The following AP1S1 variants were observed in gnomAD, a reference collection of about 807,000 sequenced individuals.
The protein encoded by AP1S1 is adaptor related protein complex 1 subunit sigma 1, also known as AP-1 complex subunit sigma-1A.
Under a neutral mutation model 23.9 loss-of-function variants are expected in AP1S1, and 13 were observed. The observed-to-expected ratio is 0.54, with a 90% confidence interval of 0.35 to 0.86. AP1S1 has a LOEUF of 0.86. Among genes scored for constraint, AP1S1 ranks in the 40% least tolerant of loss-of-function variants. AP1S1 has a pLI of 0.01. For missense variants in AP1S1, 119 were observed against 197.6 expected (o/e 0.60, Z 2.38); for synonymous variants, 84 against 77.7 (o/e 1.08, Z -0.43).
chr7:101,154,507 G>A lies in AP1S1; in HGVS notation c.-8G>A. The A allele has an allele frequency of 6.4e-7, 1 of 1,573,672 alleles. No individual in the cohort carries two copies. Among genetic ancestry groups the A allele is most frequent in the African/African-American group, 1.3e-5 (1 of 74,286 alleles). On this transcript the variant is annotated 5_prime_UTR_variant, in exon 1 of 5. Transcript: ENST00000337619. ...CGAAGTGGGACGCGCCGAGCCGGAG[G>A]CTGCAGGATGGTAGGCTGTGCGAAG...
rs895958581 is a variant in AP1S1 at position 101,161,136 on chromosome 7, GCTTTATGGGACC to G, written c.*573_*584del. 4.7e-5 allele frequency: 13 copies of G among 278,684 alleles called. No individual in the cohort carries two copies. Among genetic ancestry groups the G allele is most frequent in the African/African-American group, 2.7e-4 (12 of 43,918 alleles). The allele number at this position is 278,684 out of a possible 1,614,324, so 17.3% of individuals were successfully genotyped here. On this transcript the variant is annotated 3_prime_UTR_variant, in exon 5 of 5. Transcript: ENST00000337619. ...GAAGGAAGGGTTGGGGGAAGGGCAA[GCTTTATGGGACC>G]CTGGTCCTGGCCCTGGCCTTTCACT...
At chr7:101,156,082 A>G (rs1796986616) in intron 1 of AP1S1, among the ~76,000 whole-genome samples, 1 of 152,086 alleles carries the variant, frequency 6.6e-6, no homozygotes, top group Non-Finnish European at 1.5e-5. Context: ...AAATACAAAT[A>G]TTAGCCGGGC....
chr7:101,158,994 T>C, intron 3 of AP1S1, 65 bp from the exon 4 acceptor site: 1 of 1,591,932 alleles, frequency 6.3e-7, no homozygotes, highest in South Asian at 1.1e-5. Context: ...GGAGGCACGG[T>C]CTTGAAAAGG....
rs768394145 is a variant in AP1S1, at chr7:101,159,618, C to CT, written c.429+436dup. 8.5e-3 allele frequency: 1,241 copies of CT among 145,946 alleles called. 8 individuals are homozygous for CT. The highest frequency in any genetic ancestry group is 0.021 in the South Asian group (109 of 5,218). 9.0% of individuals were successfully genotyped at this position (145,946 alleles called of 1,614,324 possible). A position where few individuals can be genotyped will look rare whatever the true frequency, so the allele number is the denominator to read the frequency against. ...CTTCCCCCACCTCTCTTTTTTTTTT[C>CT]TTTTTTTTTTTTTTAACACACACAT... On this transcript the variant is annotated intron_variant, in intron 4 of 4. Coordinates refer to ENST00000337619, the MANE Select transcript of AP1S1 (RefSeq NM_001283.5).
At chr7:101,155,527 G>A (rs186310014) in intron 1 of AP1S1, among the ~76,000 whole-genome samples, 1 of 152,316 alleles carries the variant, frequency 6.6e-6, no homozygotes, top group African/African-American at 2.4e-5. Flanking sequence ...GGAGGAGTGG[G>A]CGCTTAGCAG....
At chr7:101,157,342 G>A (rs1334961307) in intron 2 of AP1S1, 35 bp from the exon 3 acceptor site, 2 of 1,511,728 alleles carry the variant, frequency 1.3e-6, no homozygotes, top group Admixed American at 3.9e-5. Flanking sequence ...CCTGAAGCAA[G>A]CTTGTAGCGA....
chr7:101,159,046 C>G lies in AP1S1; in HGVS notation c.292-13C>G, dbSNP rs763814212. The G allele has an allele frequency of 1.9e-6, 3 of 1,612,048 alleles. No individual in the cohort carries two copies. Among genetic ancestry groups the G allele is most frequent in the Non-Finnish European group, 2.5e-6 (3 of 1,179,094 alleles). ...CCCTCCATGCTCAACTTAGCCTCTC[C>G]CCGCCCTCCCAGGTGTGCGAGCTGG... is the stretch of plus-strand genomic sequence containing the variant. On this transcript the variant is annotated splice_polypyrimidine_tract_variant and intron_variant, in intron 3 of 4. Coordinates refer to ENST00000337619, the MANE Select transcript of AP1S1 (RefSeq NM_001283.5).
chr7:101,158,010 C>CT lies in AP1S1; in HGVS notation c.291+526dup, dbSNP rs555225499. 3.3e-4 allele frequency among the ~76,000 whole-genome samples: 50 copies of CT among 152,206 alleles called. 1 individual carries two copies. The South Asian group carries it at 0.01, about 32-fold the overall frequency. On this transcript the variant is annotated intron_variant, in intron 3 of 4. Coordinates refer to ENST00000337619, the MANE Select transcript of AP1S1 (RefSeq NM_001283.5). Reference sequence around the variant, plus strand: ...TTGCTATGTTGCCCAGGCTGGGTCTCTAACTCTGGGGCTCAAGTGATCCTC... The same window carrying CT: ...TTGCTATGTTGCCCAGGCTGGGTCTCTTAACTCTGGGGCTCAAGTGATCCTC...
Position 101,154,878 on chromosome 7 carries a change from G to A in AP1S1, c.3+361G>A, listed in dbSNP as rs369694484. 290 of 958,952 alleles carry A rather than the reference G, an allele frequency of 3.0e-4. 9 individuals carry two copies. In the East Asian group the frequency reaches 4.4e-3, roughly 14 times the overall value. The allele number at this position is 958,952 out of a possible 1,614,324, so 59.4% of individuals were successfully genotyped here. On this transcript the variant is annotated intron_variant, in intron 1 of 4. Transcript: ENST00000337619. Reference sequence around the variant, plus strand: ...GTCTCTTTGCTGAGGGAGGGAGCGGGGGTCACCAGTCACCGAGACCCCCTT... The same window carrying A: ...GTCTCTTTGCTGAGGGAGGGAGCGGAGGTCACCAGTCACCGAGACCCCCTT...
intron 1 of AP1S1, among the ~76,000 whole-genome samples, chr7:101,155,351 T>A (rs1478165295): frequency 6.6e-6 from 1 of 152,176 alleles, no homozygotes. Flanking sequence ...CTCCAGGATG[T>A]GGCCCAGACC....
chr7:101,157,632 T>A, intron 3 of AP1S1, 147 bp downstream of exon 3: 1 of 669,652 alleles, frequency 1.5e-6, no homozygotes, highest in Non-Finnish European at 2.6e-6. Flanking sequence ...TTTCCCTTTT[T>A]AAGCTTTAAG....
intron 3 of AP1S1, among the ~76,000 whole-genome samples, chr7:101,157,744 G>T (rs1430382874): frequency 6.6e-6 from 1 of 152,208 alleles, no homozygotes; most frequent in Non-Finnish European, 1.5e-5. Flanking sequence ...TTCACACAGA[G>T]ACCAAGTTCA....
At chr7:101,156,234 AAATAAT>A (rs1009452571) in intron 1 of AP1S1, among the ~76,000 whole-genome samples, 1 of 152,150 alleles carries the variant, frequency 6.6e-6, no homozygotes, top group Non-Finnish European at 1.5e-5. Flanking sequence ...TCTGTCTCAA[AAATAAT>A]AATAATAATA....
rs1194096690 is a variant in AP1S1 at position 101,161,206 on chromosome 7, TGG to T, written c.*643_*644del. 3 of 145,820 alleles carry T rather than the reference TGG, an allele frequency of 2.1e-5. No homozygotes were observed. The Admixed American group carries it at 2.1e-4, about 10-fold the overall frequency. 9.0% of individuals were successfully genotyped at this position (145,820 alleles called of 1,614,324 possible). ...TGGGTGAGGCAGGAGCTGGGAGGGGTGGGGAGGGGGAGGGGGAAGTGTCTGCC... is the reference window on the plus strand; with the variant it reads ...TGGGTGAGGCAGGAGCTGGGAGGGGTGGAGGGGGAGGGGGAAGTGTCTGCC... On this transcript the variant is annotated 3_prime_UTR_variant, in exon 5 of 5. Transcript: ENST00000337619.
Position 101,160,808 on chromosome 7 carries a change from T to C in AP1S1, c.*242T>C, listed in dbSNP as rs1562865953. ...AGGAGGCAGGAAAATGTGACCCAGA[T>C]GGGGGTGCTATTTGGCTTTTATTCC... On this transcript the variant is annotated 3_prime_UTR_variant, in exon 5 of 5. Coordinates refer to ENST00000337619, the MANE Select transcript of AP1S1 (RefSeq NM_001283.5). The C allele has an allele frequency of 1.4e-6, 1 of 690,970 alleles. No individual in the cohort carries two copies. The highest frequency in any genetic ancestry group is 2.0e-5 in the Admixed American group (1 of 49,550). The allele number at this position is 690,970 out of a possible 1,614,324, so 42.8% of individuals were successfully genotyped here. A position where few individuals can be genotyped will look rare whatever the true frequency, so the allele number is the denominator to read the frequency against.
chr7:101,158,316 T>C (rs989394041), intron 3 of AP1S1, among the ~76,000 whole-genome samples: 1 of 152,188 alleles, frequency 6.6e-6, no homozygotes, highest in African/African-American at 2.4e-5. Flanking sequence ...TAGCAGTAGG[T>C]GTTGGTATCC....
chr7:101,160,095 CAG>C (rs1797071290), intron 4 of AP1S1, among the ~76,000 whole-genome samples: 1 of 152,112 alleles, frequency 6.6e-6, no homozygotes, highest in South Asian at 2.1e-4. Context: ...CACCTTCCCT[CAG>C]GGACCTGGCA....
chr7:101,159,052 C>G lies in AP1S1; in HGVS notation c.292-7C>G. 1 of 1,612,542 alleles carries G rather than the reference C, an allele frequency of 6.2e-7. No individual in the cohort carries two copies. The highest frequency in any genetic ancestry group is 8.5e-7 in the Non-Finnish European group (1 of 1,179,222). ...ATGCTCAACTTAGCCTCTCCCCGCC[C>G]TCCCAGGTGTGCGAGCTGGACATCA... is the stretch of plus-strand genomic sequence containing the variant. On this transcript the variant is annotated splice_polypyrimidine_tract_variant and splice_region_variant and intron_variant, in intron 3 of 4. Coordinates refer to ENST00000337619, the MANE Select transcript of AP1S1 (RefSeq NM_001283.5).
Position 101,160,856 on chromosome 7 carries a change from A to C in AP1S1, c.*290A>C, listed in dbSNP as rs574734503. ...TCCCTGCCTTTGCAGAACTGATGTC[A>C]CCCCAGATGTCCTTCCCTCCCTAAT... On this transcript the variant is annotated 3_prime_UTR_variant, in exon 5 of 5. Transcript: ENST00000337619. 1.6e-6 allele frequency: 1 copy of C among 641,116 alleles called. No individual in the cohort carries two copies. Among genetic ancestry groups the C allele is most frequent in the African/African-American group, 1.8e-5 (1 of 55,782 alleles). 39.7% of individuals were successfully genotyped at this position (641,116 alleles called of 1,614,324 possible).
Sources: allele counts gnomAD v4.1 joint callset (sites outside exome capture counted in the v4.1 genomes callset), GRCh38; gene constraint gnomAD v4.1.1; transcripts MANE v1.5; gene names NCBI Gene and HGNC (gene_info 2026-07-23, HGNC 2026-07-21).